The following TMEM170B variants were observed in gnomAD, a reference collection of about 807,000 sequenced individuals.
TMEM170B encodes the protein transmembrane protein 170B.
TMEM170B carries 6 observed loss-of-function variants against 13.0 expected under a neutral mutation model. The observed-to-expected ratio is 0.46, with a 90% CI of 0.25 to 0.91. TMEM170B has a LOEUF of 0.91. Ranked by LOEUF, TMEM170B falls within the 40% of genes least tolerant of loss-of-function variation. TMEM170B has a pLI of 0.17. For synonymous variants in TMEM170B, 61 were observed against 64.9 expected (o/e 0.94, Z 0.29); for missense variants, 138 against 165.2 (o/e 0.84, Z 0.90).
chr6:11,556,590 G>T (rs1168472193), intron 1 of TMEM170B, among the ~76,000 whole-genome samples: 1 of 152,110 alleles, frequency 6.6e-6, no homozygotes, highest in East Asian at 1.9e-4. Flanking sequence ...GGCTTTGTCA[G>T]CATTCCTGCC....
intron 2 of TMEM170B, among the ~76,000 whole-genome samples, chr6:11,567,008 G>A (rs1244606763): frequency 6.6e-6 from 1 of 152,092 alleles, no homozygotes; most frequent in East Asian, 1.9e-4. Context: ...TTATCCATTG[G>A]GAAATTGCCT....
chr6:11,549,739 A>G (rs1000417245), intron 1 of TMEM170B, among the ~76,000 whole-genome samples: 2 of 152,168 alleles, frequency 1.3e-5, no homozygotes, highest in Non-Finnish European at 2.9e-5. Context: ...TAGATTAAGC[A>G]TTGAAAGAAA....
In TMEM170B at chr6:11,582,930, AC is replaced by A. The variant is rs1759976904; in HGVS notation, c.*7370del. On this transcript the variant is annotated 3_prime_UTR_variant, in exon 3 of 3. Coordinates refer to ENST00000379426, the MANE Select transcript of TMEM170B (RefSeq NM_001100829.3). The stretch of plus-strand genomic sequence containing the variant: ...TTAATTTTGAAGGATTATTTTAAAA[AC>A]TATGTTTATATATAATACCTAACAA... 1 of 152,140 alleles carries A rather than the reference AC, an allele frequency of 6.6e-6. No individual in the cohort carries two copies. The highest frequency in any genetic ancestry group is 1.5e-5 in the Non-Finnish European group (1 of 68,000). 9.4% of individuals were successfully genotyped at this position (152,140 alleles called of 1,614,324 possible).
At chr6:11,574,414 A>C (rs532534323) in intron 2 of TMEM170B, among the ~76,000 whole-genome samples, 1 of 152,108 alleles carries the variant, frequency 6.6e-6, no homozygotes, top group African/African-American at 2.4e-5. Flanking sequence ...TCTTTAGCTA[A>C]TTTTTTTCTA....
rs146011068 is a variant in TMEM170B at position 11,570,379 on chromosome 6, T to C, written c.268+4543T>C. Among the ~76,000 whole-genome samples the C allele has an allele frequency of 1.1e-3, 173 of 152,122 alleles. 3 individuals carry two copies. The East Asian group carries it at 0.026, about 23-fold the overall frequency. ...ACAAAAAACTGGTTCTTTGGAGAGA[T>C]AAGATGAATAGACTGCTGGCAAACT... is the stretch of plus-strand genomic sequence containing the variant. On this transcript the variant is annotated intron_variant, in intron 2 of 2. Coordinates refer to ENST00000379426, the MANE Select transcript of TMEM170B (RefSeq NM_001100829.3).
chr6:11,559,791 T>C (rs1029566270), intron 1 of TMEM170B, among the ~76,000 whole-genome samples: 4 of 152,064 alleles, frequency 2.6e-5, no homozygotes, highest in African/African-American at 9.7e-5. Flanking sequence ...ATATGTAATA[T>C]GGACCATTTC....
chr6:11,572,691 C>G (rs1233909043), intron 2 of TMEM170B, among the ~76,000 whole-genome samples: 1 of 152,114 alleles, frequency 6.6e-6, no homozygotes, highest in African/African-American at 2.4e-5. Context: ...GACCAACACT[C>G]TCAAACTAGT....
At chr6:11,551,571 G>A (rs1164835453) in intron 1 of TMEM170B, among the ~76,000 whole-genome samples, 1 of 152,206 alleles carries the variant, frequency 6.6e-6, no homozygotes, top group Non-Finnish European at 1.5e-5. Flanking sequence ...AAATAGCACA[G>A]TCTAGCATTT....
intron 1 of TMEM170B, among the ~76,000 whole-genome samples, chr6:11,550,585 C>CT (rs1759511676): frequency 6.6e-6 from 1 of 152,158 alleles, no homozygotes. Flanking sequence ...GTATTTCCTT[C>CT]TTAGAAATTT....
At position 11,563,578 on chromosome 6, in the gene TMEM170B, A is replaced by ATT. The variant is rs1424716240; in HGVS notation, c.98-2087_98-2086dup. Among the ~76,000 whole-genome samples the ATT allele has an allele frequency of 5.3e-5, 8 of 152,324 alleles. No homozygotes were observed. In the East Asian group the frequency reaches 1.5e-3, roughly 29 times the overall value. ...GACTGACTGTAAGTCGGGGGTTCCC[A>ATT]TTGACCCCTCCTCAGGTTTCATCAT... On this transcript the variant is annotated intron_variant, in intron 1 of 2. Coordinates refer to ENST00000379426, the MANE Select transcript of TMEM170B (RefSeq NM_001100829.3).
intron 1 of TMEM170B, among the ~76,000 whole-genome samples, chr6:11,551,497 G>A (rs909461300): frequency 5.4e-4 from 82 of 152,186 alleles, no homozygotes; most frequent in Non-Finnish European, 3.7e-4. Flanking sequence ...AGGGAATGAA[G>A]TGTCTGTAAA....
In TMEM170B at chr6:11,578,276, T is replaced by G. The variant is rs1302837771; in HGVS notation, c.*2715T>G. The G allele has an allele frequency of 6.6e-6, 1 of 152,188 alleles. No homozygotes were observed. The highest frequency in any genetic ancestry group is 1.5e-5 in the Non-Finnish European group (1 of 68,002). The allele number at this position is 152,188 out of a possible 1,614,324, so 9.4% of individuals were successfully genotyped here. On this transcript the variant is annotated 3_prime_UTR_variant, in exon 3 of 3. Transcript: ENST00000379426. ...TTATTGATGTATTTGGGTTATATAC[T>G]TTGTTAAAATTCGTATGTGATTTAG...
At position 11,555,915 on chromosome 6, in the gene TMEM170B, G is replaced by GTCT. The variant is rs1759582631; in HGVS notation, c.98-9751_98-9750insTCT. On this transcript the variant is annotated intron_variant, in intron 1 of 2. Transcript: ENST00000379426. ...CTCACGCCTGTAATCCCAGCACTTTGGGAGGCCGAGGCGGGCGGATCACGA... is the reference window on the plus strand; with the variant it reads ...CTCACGCCTGTAATCCCAGCACTTTGTCTGGAGGCCGAGGCGGGCGGATCACGA... 5.0e-3 allele frequency among the ~76,000 whole-genome samples: 2 copies of GTCT among 404 alleles called. 1 individual carries two copies. Among genetic ancestry groups the GTCT allele is most frequent in the African/African-American group, 5.0e-3 (2 of 402 alleles). 0.3% of individuals were successfully genotyped at this position (404 alleles called of 152,430 possible). A position where few individuals can be genotyped will look rare whatever the true frequency, so the allele number is the denominator to read the frequency against.
intron 1 of TMEM170B, among the ~76,000 whole-genome samples, chr6:11,545,212 G>A (rs1344969632): frequency 6.6e-6 from 1 of 151,694 alleles, no homozygotes; most frequent in Non-Finnish European, 1.5e-5. Flanking sequence ...CTTTTTATTG[G>A]TAATAAGCAT....
chr6:11,558,990 A>G (rs1759625484), intron 1 of TMEM170B, among the ~76,000 whole-genome samples: 1 of 152,152 alleles, frequency 6.6e-6, no homozygotes, highest in Admixed American at 6.5e-5. Flanking sequence ...TAAATAGAAA[A>G]TGTAGTAAAT....
chr6:11,539,773 C>T (rs991450207), intron 1 of TMEM170B, among the ~76,000 whole-genome samples: 1 of 152,126 alleles, frequency 6.6e-6, no homozygotes, highest in African/African-American at 2.4e-5. Context: ...ATTTTGCTTG[C>T]ATTTATCCAC....
In TMEM170B at chr6:11,545,280, C is replaced by CTCTGTGTGTG. The variant is rs1442789332; in HGVS notation, c.97+6907_97+6908insCTGTGTGTGT. Among the ~76,000 whole-genome samples, 90 of 139,812 alleles carry CTCTGTGTGTG rather than the reference C, an allele frequency of 6.4e-4. 1 individual carries two copies. The East Asian group carries it at 9.4e-3, about 15-fold the overall frequency. 91.7% of individuals were successfully genotyped at this position (139,812 alleles called of 152,430 possible). A position where few individuals can be genotyped will look rare whatever the true frequency, so the allele number is the denominator to read the frequency against. ...TTAAAAGGCTTCTCTCTCTCTCTCT[C>CTCTGTGTGTG]TGTGTGTGTGTGTGTGTGTGTGTGT... On this transcript the variant is annotated intron_variant, in intron 1 of 2. Coordinates refer to ENST00000379426, the MANE Select transcript of TMEM170B (RefSeq NM_001100829.3).
chr6:11,554,134 C>T (rs1175689111), intron 1 of TMEM170B, among the ~76,000 whole-genome samples: 2 of 151,942 alleles, frequency 1.3e-5, no homozygotes, highest in Non-Finnish European at 2.9e-5. Context: ...AATTTCATTA[C>T]AAGTTATGCT....
At position 11,581,015 on chromosome 6, in the gene TMEM170B, T is replaced by C. The variant is rs1396689155; in HGVS notation, c.*5454T>C. ...GGGAGGTTGCTGAATTATCTAAAAA[T>C]GTATCCATGAATTTGGGGGAAATAA... On this transcript the variant is annotated 3_prime_UTR_variant, in exon 3 of 3. Coordinates refer to ENST00000379426, the MANE Select transcript of TMEM170B (RefSeq NM_001100829.3). 6.6e-6 allele frequency: 1 copy of C among 152,224 alleles called. No homozygotes were observed. Among genetic ancestry groups the C allele is most frequent in the Non-Finnish European group, 1.5e-5 (1 of 68,032 alleles). The allele number at this position is 152,224 out of a possible 1,614,324, so 9.4% of individuals were successfully genotyped here.
Sources: allele counts gnomAD v4.1 joint callset (sites outside exome capture counted in the v4.1 genomes callset), GRCh38; gene constraint gnomAD v4.1.1; transcripts MANE v1.5; gene names NCBI Gene and HGNC (gene_info 2026-07-23, HGNC 2026-07-21).